Variants in ASAP2 observed in about 807,000 individuals in gnomAD.
ASAP2 encodes the protein ArfGAP with SH3 domain, ankyrin repeat and PH domain 2, also known as arf-GAP with SH3 domain, ANK repeat and PH domain-containing protein 2.
A neutral mutation model predicts 131.4 loss-of-function variants in ASAP2; 45 were observed. That is an observed-to-expected ratio of 0.34 (90% confidence interval 0.27 to 0.44). The LOEUF (loss-of-function observed/expected upper bound fraction) is 0.44, where lower values mean the gene tolerates loss of function less well. Ranked by LOEUF, ASAP2 falls within the 20% of genes least tolerant of loss-of-function variation. The pLI is 1.00. For missense variants in ASAP2, 1,011 were observed against 1,297.0 expected, an observed-to-expected ratio of 0.78 and a Z score of 3.39; for synonymous variants, 510 against 503.0, an observed-to-expected ratio of 1.01 and a Z score of -0.19.
At chr2:9,228,359 T>G (rs1662923627) in intron 1 of ASAP2, among the ~76,000 whole-genome samples, 1 of 152,202 alleles carries the variant, frequency 6.6e-6, no homozygotes. Flanking sequence ...TCACTTGGTG[T>G]TATCCTTGAG....
intron 20 of ASAP2, among the ~76,000 whole-genome samples, chr2:9,381,011 A>G (rs375571122): frequency 5.9e-5 from 9 of 152,206 alleles, no homozygotes; most frequent in African/African-American, 2.2e-4. Context: ...CACCCCTCGC[A>G]GTGAGACTTG....
In ASAP2 at chr2:9,297,426, C is replaced by G. The variant is rs1462218528; in HGVS notation, c.326C>G (p.Thr109Arg). Residue 109 changes from threonine (T) to arginine (R), a missense_variant, in exon 3 of 28, where the codon ACA (threonine) becomes AGA (arginine). Physicochemically the swap from Thr to Arg is moderately conservative, Grantham distance 71. Around this residue, in one of 2 missense-constraint regions of ASAP2, gnomAD observed 359 missense variants for 598.1 expected, o/e 0.60. Transcript: ENST00000281419. ...LKFSVFTKEL[T>R]ALFKNLIQNM... is the part of the protein sequence containing the mutation. ...TTCTCAGTGTTTACAAAGGAGTTGA[C>G]AGCACTTTTCAAAAACCTGGTAAGC... The G allele has an allele frequency of 6.2e-7, 1 of 1,614,194 alleles. No homozygotes were observed. Among genetic ancestry groups the G allele is most frequent in the Admixed American group, 1.7e-5 (1 of 60,026 alleles).
In ASAP2 at chr2:9,275,082, G is replaced by GTTTTTT. The variant is rs753527243; in HGVS notation, c.127-4224_127-4219dup. Among the ~76,000 whole-genome samples the GTTTTTT allele has an allele frequency of 2.4e-3, 305 of 128,826 alleles. 5 individuals are homozygous for GTTTTTT. The highest frequency in any genetic ancestry group is 0.018 in the East Asian group (79 of 4,312). The allele number at this position is 128,826 out of a possible 152,430, so 84.5% of individuals were successfully genotyped here. On this transcript the variant is annotated intron_variant, in intron 1 of 27. Transcript: ENST00000281419. ...CCATGTTTTGTTTTTTCATTTGTCT[G>GTTTTTT]TTTTTTTTTTTTTTTTAAGAGACAG...
rs150522598 is a variant in ASAP2, at chr2:9,316,327, A to G, written c.346-2197A>G. 1.4e-3 allele frequency among the ~76,000 whole-genome samples: 219 copies of G among 152,318 alleles called. 1 individual carries two copies. The highest frequency in any genetic ancestry group is 3.9e-3 in the Admixed American group (60 of 15,300). On this transcript the variant is annotated intron_variant, in intron 3 of 27. Transcript: ENST00000281419. ...CAAAAAAAAAGAAAAAAAAATTAGT[A>G]CACTGAATGGTGTATAGAAATCGGA...
chr2:9,371,146 T>C (rs776544533), intron 16 of ASAP2, among the ~76,000 whole-genome samples: 3 of 152,214 alleles, frequency 2.0e-5, no homozygotes, highest in Non-Finnish European at 4.4e-5. Context: ...CCTCCAGCCT[T>C]GGCACTGTTG....
At chr2:9,246,219 G>A (rs566577500) in intron 1 of ASAP2, among the ~76,000 whole-genome samples, 4 of 152,176 alleles carry the variant, frequency 2.6e-5, no homozygotes, top group Admixed American at 6.5e-5. Flanking sequence ...ACAGGTGGAC[G>A]GAACCAACTT....
intron 9 of ASAP2, among the ~76,000 whole-genome samples, chr2:9,340,442 G>A (rs1045572751): frequency 6.6e-6 from 1 of 152,246 alleles, no homozygotes; most frequent in African/African-American, 2.4e-5. Flanking sequence ...GTTCTCCGGA[G>A]TCTTTTAAAA....
At position 9,297,365 on chromosome 2, in the gene ASAP2, A is replaced by G. The variant is rs1668214072; in HGVS notation, c.265A>G (p.Arg89Gly). The G allele has an allele frequency of 6.2e-7, 1 of 1,614,178 alleles. No individual in the cohort carries two copies. The highest frequency in any genetic ancestry group is 8.5e-7 in the Non-Finnish European group (1 of 1,180,016). ...LEKFGGNCVC[R>G]DDPDLGSAFL... ...GAAGTTTGGCGGCAACTGTGTATGCAGAGATGACCCAGATTTAGGAAGTGC... is the reference window on the plus strand; with the variant it reads ...GAAGTTTGGCGGCAACTGTGTATGCGGAGATGACCCAGATTTAGGAAGTGC... The change falls in exon 3 of 28, where the codon AGA (arginine) becomes GGA (glycine). Residue 89 changes from arginine (R) to glycine (G), a missense_variant. Physicochemically the swap from Arg to Gly is moderately radical, Grantham distance 125 (BLOSUM62 -2). Transcript: ENST00000281419.
chr2:9,301,366 C>T (rs141315866), intron 3 of ASAP2, among the ~76,000 whole-genome samples: 310 of 152,234 alleles, frequency 2.0e-3, no homozygotes, highest in Middle Eastern at 0.017. Flanking sequence ...ATTTTCTCTG[C>T]GGTGATGCAG....
chr2:9,248,071 C>T (rs1027559986), intron 1 of ASAP2, among the ~76,000 whole-genome samples: 2 of 152,152 alleles, frequency 1.3e-5, no homozygotes, highest in African/African-American at 4.8e-5. Context: ...CTGGGACAGA[C>T]GCTAGGTGGA....
intron 1 of ASAP2, among the ~76,000 whole-genome samples, chr2:9,230,955 T>C (rs1663117246): frequency 6.6e-6 from 1 of 152,198 alleles, no homozygotes; most frequent in Non-Finnish European, 1.5e-5. Flanking sequence ...GCTGGTTCCA[T>C]GGCAGGGCAC....
chr2:9,390,072 T>A (rs889104569), intron 22 of ASAP2, among the ~76,000 whole-genome samples: 1 of 152,274 alleles, frequency 6.6e-6, no homozygotes, highest in Non-Finnish European at 1.5e-5. Flanking sequence ...GGGTAAACTC[T>A]TAATCTCCTG....
chr2:9,388,602 G>T, intron 22 of ASAP2, 56 bp downstream of exon 22: 1 of 1,561,642 alleles, frequency 6.4e-7, no homozygotes, highest in Non-Finnish European at 8.6e-7. Flanking sequence ...TTTGTGGTTT[G>T]GGAAGTTTGC....
chr2:9,279,694 G>A (rs1186639475), intron 2 of ASAP2, among the ~76,000 whole-genome samples: 2 of 152,194 alleles, frequency 1.3e-5, no homozygotes, highest in East Asian at 3.9e-4. Flanking sequence ...CAGCCTGGCT[G>A]ATGGGGGCCT....
Position 9,395,503 on chromosome 2 carries a change from A to G in ASAP2, c.2684+1856A>G, listed in dbSNP as rs375351258. On this transcript the variant is annotated intron_variant, in intron 24 of 27. Coordinates refer to ENST00000281419, the MANE Select transcript of ASAP2 (RefSeq NM_003887.3). ...AAATAAAAAAATAAAGAATTTGGAGACTAGGCACCATGGCCCACATCTGTA... is the reference window on the plus strand; with the variant it reads ...AAATAAAAAAATAAAGAATTTGGAGGCTAGGCACCATGGCCCACATCTGTA... 4.6e-3 allele frequency among the ~76,000 whole-genome samples: 689 copies of G among 150,944 alleles called. 6 individuals carry two copies. Among genetic ancestry groups the G allele is most frequent in the African/African-American group, 0.016 (666 of 41,154 alleles).
chr2:9,256,925 C>T (rs145241401), intron 1 of ASAP2, among the ~76,000 whole-genome samples: 67 of 152,342 alleles, frequency 4.4e-4, no homozygotes, highest in Middle Eastern at 3.4e-3. Context: ...GATCCTCCTG[C>T]TGCAGCCAAG....
intron 1 of ASAP2, among the ~76,000 whole-genome samples, chr2:9,261,301 C>T (rs1055513996): frequency 4.6e-5 from 7 of 152,200 alleles, no homozygotes; most frequent in Non-Finnish European, 4.4e-5. Context: ...AGCTGCCTTC[C>T]GTCCTCCCTC....
chr2:9,225,039 C>T (rs1302678512), intron 1 of ASAP2, among the ~76,000 whole-genome samples: 1 of 152,106 alleles, frequency 6.6e-6, no homozygotes, highest in Admixed American at 6.5e-5. Flanking sequence ...CAGGGTTGTC[C>T]CTGTTTGGTC....
intron 3 of ASAP2, among the ~76,000 whole-genome samples, chr2:9,306,724 A>G (rs1558315408): frequency 6.6e-6 from 1 of 152,040 alleles, no homozygotes; most frequent in Non-Finnish European, 1.5e-5. Context: ...GAAATTCAGC[A>G]TGTGCTTGTT....
Sources: gnomAD v4.1 joint callset for allele counts (sites outside exome capture counted in the v4.1 genomes callset) on GRCh38, gnomAD v4.1.1 for gene constraint, gnomAD v4.1.1 regional missense constraint, MANE v1.5 for transcripts, NCBI Gene and HGNC (gene_info 2026-07-23, HGNC 2026-07-21) for gene names.